KANK1: variants seen among roughly 807,000 people sequenced by gnomAD.
KANK1 encodes KN motif and ankyrin repeat domains 1.
Under a neutral mutation model 106.2 loss-of-function variants are expected in KANK1, and 109 were observed. The observed-to-expected ratio is 1.03, with a 90% CI of 0.88 to 1.20. The LOEUF is 1.20. KANK1 is among the 50% of genes most tolerant of loss of function. KANK1 has a pLI of 0.00. For synonymous variants in KANK1, 873 were observed against 652.2 expected (o/e 1.34, Z -5.16); for missense variants, 2,399 against 1,710.7 (o/e 1.40, Z -7.10).
chr9:633,689 G>A (rs1001440605), intron 1 of KANK1, among the ~76,000 whole-genome samples: 1 of 152,188 alleles, frequency 6.6e-6, no homozygotes, highest in Non-Finnish European at 1.5e-5. Context: ...GTCTCGCTTT[G>A]TCACCCAGGC....
At chr9:668,616 G>GT (rs951208967) in intron 1 of KANK1, among the ~76,000 whole-genome samples, 11 of 151,634 alleles carry the variant, frequency 7.3e-5, no homozygotes, top group African/African-American at 1.9e-4. Flanking sequence ...ATTTGTTGGG[G>GT]TTTTTTTTAG....
intron 3 of KANK1, among the ~76,000 whole-genome samples, chr9:486,362 T>C (rs72705658): frequency 0.018 from 2,671 of 152,288 alleles, 82 homozygotes; most frequent in African/African-American, 0.062. Flanking sequence ...GTCGTCATGA[T>C]CATCATCACC....
chr9:743,135 A>C (rs1439447811), intron 10 of KANK1, among the ~76,000 whole-genome samples: 1 of 152,220 alleles, frequency 6.6e-6, no homozygotes, highest in Non-Finnish European at 1.5e-5. Flanking sequence ...AAGGTCACAG[A>C]GGTCGGGTTG....
At chr9:724,654 C>T (rs567446903) in intron 3 of KANK1, among the ~76,000 whole-genome samples, 1 of 152,120 alleles carries the variant, frequency 6.6e-6, no homozygotes, top group African/African-American at 2.4e-5. Flanking sequence ...ATACAAAAAA[C>T]AGCTGGGCGT....
At chr9:575,980 G>A (rs1379755399) in intron 1 of KANK1, among the ~76,000 whole-genome samples, 3 of 152,198 alleles carry the variant, frequency 2.0e-5, no homozygotes, top group African/African-American at 7.2e-5. Context: ...CTGAGATTGT[G>A]CCACTGGACT....
chr9:625,029 A>T (rs146760007), intron 1 of KANK1, among the ~76,000 whole-genome samples: 3 of 60,850 alleles, frequency 4.9e-5, no homozygotes, highest in East Asian at 6.5e-4. Context: ...GAAATGGAAG[A>T]TGAAATTGTG....
chr9:727,612 A>G (rs1031820709), intron 3 of KANK1, among the ~76,000 whole-genome samples: 2 of 151,806 alleles, frequency 1.3e-5, no homozygotes, highest in Non-Finnish European at 1.5e-5. Context: ...CACCACGCCC[A>G]GGCTAATCCA....
intron 1 of KANK1, among the ~76,000 whole-genome samples, chr9:580,313 G>A (rs188920924): frequency 3.7e-4 from 56 of 152,248 alleles, no homozygotes; most frequent in Non-Finnish European, 6.5e-4. Context: ...AAGGCAGCGC[G>A]GACCCGAAGA....
chr9:589,784 G>T (rs1356641706), intron 1 of KANK1, among the ~76,000 whole-genome samples: 2 of 152,174 alleles, frequency 1.3e-5, no homozygotes, highest in African/African-American at 4.8e-5. Context: ...GGTAGGTTTG[G>T]GGTTTTAGAT....
intron 1 of KANK1, among the ~76,000 whole-genome samples, chr9:634,798 A>T (rs1211280471): frequency 6.6e-6 from 1 of 152,202 alleles, no homozygotes; most frequent in African/African-American, 2.4e-5. Context: ...CAATGTCATC[A>T]TTTTTGCAAA....
intron 3 of KANK1, among the ~76,000 whole-genome samples, chr9:725,705 T>G (rs57866780): frequency 0.11 from 17,121 of 152,072 alleles, 2,247 homozygotes; most frequent in African/African-American, 0.3. Flanking sequence ...GGCAGCATGT[T>G]CCTGGGAATC....
chr9:515,219 C>A (rs1053708684), intron 1 of KANK1, among the ~76,000 whole-genome samples: 5 of 151,354 alleles, frequency 3.3e-5, no homozygotes, highest in Non-Finnish European at 7.4e-5. Context: ...GTGGCGGGAG[C>A]CTGTAGTCCC....
rs10975740 is a variant in KANK1 at position 676,741 on chromosome 9, A to G, written c.-83-149A>G. 0.076 allele frequency: 33,655 copies of G among 443,038 alleles called. 1,536 individuals carry two copies. The highest frequency in any genetic ancestry group is 0.091 in the Non-Finnish European group (22,345 of 244,858). 27.4% of individuals were successfully genotyped at this position (443,038 alleles called of 1,614,324 possible). A position where few individuals can be genotyped will look rare whatever the true frequency, so the allele number is the denominator to read the frequency against. Reference sequence around the variant, plus strand: ...TGTTATCTCCATACTGCCAGGTCCAATGCAGTCACCTCCTGGATCTATAGT... The same window carrying G: ...TGTTATCTCCATACTGCCAGGTCCAGTGCAGTCACCTCCTGGATCTATAGT... On this transcript the variant is annotated intron_variant, in intron 1 of 11. Coordinates refer to ENST00000382297, the MANE Select transcript of KANK1 (RefSeq NM_015158.5).
intron 3 of KANK1, chr9:495,753 T>G (rs906018203): frequency 1.4e-4 from 21 of 152,204 alleles, no homozygotes; most frequent in African/African-American, 5.1e-4. Flanking sequence ...TTCAGCTTCG[T>G]TCAGAAAAAC....
chr9:717,294 G>A (rs746710514), intron 3 of KANK1, among the ~76,000 whole-genome samples: 12 of 151,926 alleles, frequency 7.9e-5, no homozygotes, highest in Non-Finnish European at 1.6e-4. Flanking sequence ...AAAAAGAAAA[G>A]AAAAAGGAAA....
chr9:730,061 G>A lies in KANK1; in HGVS notation c.2709G>A (p.Leu903=), dbSNP rs759389769. The A allele has an allele frequency of 1.9e-5, 30 of 1,613,808 alleles. No homozygotes were observed. Among genetic ancestry groups the A allele is most frequent in the Non-Finnish European group, 2.1e-5 (25 of 1,179,888 alleles). The change falls in exon 4 of 12, where the codon TTG becomes TTA. Residue 903 remains leucine (L), a synonymous_variant. Transcript: ENST00000382297. ...TSLGKITGNY[L]GYTCKCGGLQ... ...TCTTTTTCCTGATAGGCAATTATTTGGGATATACCTGTAAGTGTGGGGGCC... is the reference window on the plus strand; with the variant it reads ...TCTTTTTCCTGATAGGCAATTATTTAGGATATACCTGTAAGTGTGGGGGCC...
chr9:650,440 A>T (rs2137534971), intron 1 of KANK1, among the ~76,000 whole-genome samples: 1 of 151,938 alleles, frequency 6.6e-6, no homozygotes, highest in South Asian at 2.1e-4. Context: ...TTAATGTGAG[A>T]CTCTTGTTAT....
intron 3 of KANK1, among the ~76,000 whole-genome samples, chr9:715,945 C>G (rs1827571971): frequency 6.6e-6 from 1 of 152,102 alleles, no homozygotes; most frequent in South Asian, 2.1e-4. Flanking sequence ...TCCAGGTGGC[C>G]CAGGGTGCAC....
chr9:651,944 A>C (rs752101821), intron 1 of KANK1, among the ~76,000 whole-genome samples: 1 of 152,242 alleles, frequency 6.6e-6, no homozygotes, highest in Non-Finnish European at 1.5e-5. Flanking sequence ...GGGATTTTTG[A>C]AACATTGTTT....
Sources: allele counts gnomAD v4.1 joint callset (sites outside exome capture counted in the v4.1 genomes callset), GRCh38; gene constraint gnomAD v4.1.1; transcripts MANE v1.5; gene names NCBI Gene and HGNC (gene_info 2026-07-23, HGNC 2026-07-21).